FGF14: variants seen among roughly 807,000 people sequenced by gnomAD.
The protein encoded by FGF14 is fibroblast growth factor homologous factor 4.
In FGF14, 5 loss-of-function variants were observed where a neutral mutation model predicts 25.5. The observed-to-expected ratio is 0.20, with a 90% confidence interval of 0.10 to 0.41. The LOEUF (loss-of-function observed/expected upper bound fraction) is 0.41. FGF14 is among the 10% of genes least tolerant of loss of function. The probability of loss-of-function intolerance (pLI) is 1.00; values close to 1 mark genes in which losing one functional copy is unlikely to be tolerated. For synonymous variants in FGF14, 138 were observed against 118.3 expected (o/e 1.17, Z -1.08); for missense variants, 222 against 320.1 (o/e 0.69, Z 2.34).
intron 1 of FGF14, among the ~76,000 whole-genome samples, chr13:102,094,768 T>A (rs2044315837): frequency 6.6e-6 from 1 of 152,142 alleles, no homozygotes; most frequent in Admixed American, 6.5e-5. Flanking sequence ...AGTGACTTTG[T>A]CCCTGAAGTC....
At chr13:102,145,880 A>G (rs1341125660) in intron 1 of FGF14, among the ~76,000 whole-genome samples, 9 of 152,214 alleles carry the variant, frequency 5.9e-5, no homozygotes, top group Non-Finnish European at 1.0e-4. Flanking sequence ...TCCATTTACT[A>G]TGAAAGAAAC....
At chr13:102,099,277 T>C (rs1425086108) in intron 1 of FGF14, among the ~76,000 whole-genome samples, 2 of 152,246 alleles carry the variant, frequency 1.3e-5, no homozygotes, top group East Asian at 1.9e-4. Flanking sequence ...CCAAAATTAG[T>C]GGAAAGAGGA....
rs1555391875 is a variant in FGF14, at chr13:102,275,262, T to TCTCTCTCTCTCTCTCTC, written c.208+126208_208+126209insGAGAGAGAGAGAGAGAG. ...TCTCTCTCTCTCTCTCTCTCTCTCT[T>TCTCTCTCTCTCTCTCTC]TCTCTCTCTCTCTCTCTCTCTCTCT... is the stretch of plus-strand genomic sequence containing the variant. On this transcript the variant is annotated intron_variant, in intron 1 of 4. Transcript: ENST00000376131. Among the ~76,000 whole-genome samples the TCTCTCTCTCTCTCTCTC allele has an allele frequency of 3.2e-3, 218 of 68,966 alleles. 23 individuals are homozygous for TCTCTCTCTCTCTCTCTC. Among genetic ancestry groups the TCTCTCTCTCTCTCTCTC allele is most frequent in the Admixed American group, 3.9e-3 (20 of 5,126 alleles). 45.2% of individuals were successfully genotyped at this position (68,966 alleles called of 152,430 possible). A position where few individuals can be genotyped will look rare whatever the true frequency, so the allele number is the denominator to read the frequency against.
At chr13:101,812,630 TA>T in intron 3 of FGF14, among the ~76,000 whole-genome samples, 2 of 11,384 alleles carry the variant, frequency 1.8e-4, no homozygotes, top group Non-Finnish European at 5.2e-4. Flanking sequence ...TATATATATA[TA>T]TATATATATA....
intron 1 of FGF14, among the ~76,000 whole-genome samples, chr13:101,952,100 T>C (rs2036203536): frequency 6.6e-6 from 1 of 152,208 alleles, no homozygotes; most frequent in Non-Finnish European, 1.5e-5. Flanking sequence ...AGATATTTTG[T>C]TCATATTTTT....
intron 3 of FGF14, among the ~76,000 whole-genome samples, chr13:101,764,287 G>A (rs1265955769): frequency 2.0e-5 from 3 of 152,144 alleles, no homozygotes; most frequent in South Asian, 2.1e-4. Context: ...ACTGATTTGC[G>A]TATGGCAATT....
In FGF14 at chr13:101,916,767, G is replaced by A. The variant is rs1213079081; in HGVS notation, c.-122C>T. ...CTCGGGGCAGAGGAGGGGGTGCCAG[G>A]CGGGACTGGGGAGAGGGGAAGGGGG... On this transcript the variant is annotated 5_prime_UTR_variant, in exon 1 of 5. Coordinates refer to ENST00000376143, the MANE Select transcript of FGF14 (RefSeq NM_004115.4). The A allele has an allele frequency of 2.2e-5, 18 of 835,900 alleles. No homozygotes were observed. Among genetic ancestry groups the A allele is most frequent in the Non-Finnish European group, 3.2e-5 (18 of 557,574 alleles). The allele number at this position is 835,900 out of a possible 1,614,324, so 51.8% of individuals were successfully genotyped here. A position where few individuals can be genotyped will look rare whatever the true frequency, so the allele number is the denominator to read the frequency against.
intron 1 of FGF14, among the ~76,000 whole-genome samples, chr13:102,243,545 A>G (rs2051707647): frequency 6.6e-6 from 1 of 152,104 alleles, no homozygotes; most frequent in South Asian, 2.1e-4. Flanking sequence ...CTGATATAAA[A>G]TAAGTTGGGG....
intron 4 of FGF14, among the ~76,000 whole-genome samples, chr13:101,725,186 C>A (rs2035329377): frequency 6.6e-6 from 1 of 151,944 alleles, no homozygotes; most frequent in South Asian, 2.1e-4. Context: ...CTTCTGTGGG[C>A]TTATTTTTTA....
intron 1 of FGF14, among the ~76,000 whole-genome samples, chr13:102,238,621 C>T (rs974848851): frequency 2.6e-5 from 4 of 152,154 alleles, no homozygotes; most frequent in African/African-American, 7.2e-5. Context: ...TATATTTTCA[C>T]GAGAAGTATT....
At chr13:102,318,496 G>A (rs1054926293) in intron 1 of FGF14, among the ~76,000 whole-genome samples, 16 of 152,140 alleles carry the variant, frequency 1.1e-4, no homozygotes, top group Non-Finnish European at 1.5e-5. Flanking sequence ...GAACTGGGAG[G>A]GAGACTCTGG....
chr13:102,041,145 T>A (rs1010347763), intron 1 of FGF14, among the ~76,000 whole-genome samples: 5 of 152,072 alleles, frequency 3.3e-5, no homozygotes, highest in Admixed American at 6.6e-5. Context: ...GAAAAAAAAA[T>A]TTATATAACT....
At chr13:101,989,823 T>C (rs370339505) in intron 1 of FGF14, among the ~76,000 whole-genome samples, 14 of 152,242 alleles carry the variant, frequency 9.2e-5, no homozygotes, top group African/African-American at 2.2e-4. Context: ...AGGAGTTAAT[T>C]AGAGACTTCA....
At chr13:102,378,800 TA>T (rs1024945348) in intron 1 of FGF14, among the ~76,000 whole-genome samples, 8 of 151,566 alleles carry the variant, frequency 5.3e-5, no homozygotes, top group Admixed American at 2.0e-4. Context: ...TCTTTATCAA[TA>T]AAAAAAAGCA....
chr13:102,122,725 G>T (rs1164932414), intron 1 of FGF14, among the ~76,000 whole-genome samples: 1 of 152,082 alleles, frequency 6.6e-6, no homozygotes, highest in Non-Finnish European at 1.5e-5. Flanking sequence ...AAAGATTTTT[G>T]ATATAAATAT....
intron 1 of FGF14, among the ~76,000 whole-genome samples, chr13:102,383,565 A>T (rs981453340): frequency 6.6e-6 from 1 of 152,172 alleles, no homozygotes; most frequent in African/African-American, 2.4e-5. Context: ...TTCCAGTCCA[A>T]ATCTATTCCT....
intron 3 of FGF14, among the ~76,000 whole-genome samples, chr13:101,759,153 A>T (rs1256820133): frequency 6.6e-6 from 1 of 152,150 alleles, no homozygotes; most frequent in Non-Finnish European, 1.5e-5. Context: ...GGGTAGAGTC[A>T]CAAGACAGGT....
intron 1 of FGF14, among the ~76,000 whole-genome samples, chr13:102,374,990 C>T (rs1351077880): frequency 1.3e-5 from 2 of 151,930 alleles, no homozygotes; most frequent in Non-Finnish European, 2.9e-5. Flanking sequence ...TTGCTAAATT[C>T]TGCTTTGGTT....
intron 1 of FGF14, among the ~76,000 whole-genome samples, chr13:102,249,440 A>C (rs1268340597): frequency 6.6e-6 from 1 of 152,166 alleles, no homozygotes; most frequent in African/African-American, 2.4e-5. Context: ...AGTTTTGCAG[A>C]ACAATGGGAG....
Sources: allele counts gnomAD v4.1 joint callset (sites outside exome capture counted in the v4.1 genomes callset), GRCh38; gene constraint gnomAD v4.1.1; transcripts MANE v1.5; gene names NCBI Gene and HGNC (gene_info 2026-07-23, HGNC 2026-07-21).